RNF43: variants seen among roughly 807,000 people sequenced by gnomAD.
RNF43 encodes ring finger protein 43, also known as E3 ubiquitin-protein ligase RNF43.
Under a neutral mutation model 78.4 loss-of-function variants are expected in RNF43, and 37 were observed. The ratio of observed to expected loss-of-function variants is 0.47; its 90% CI spans 0.36 to 0.62. The LOEUF (loss-of-function observed/expected upper bound fraction) is 0.62. Among genes scored for constraint, RNF43 ranks in the 20% least tolerant of loss-of-function variants. The pLI, the probability that RNF43 is intolerant of heterozygous loss-of-function variation, is 0.00. For synonymous variants in RNF43, 347 were observed against 395.0 expected (o/e 0.88, Z 1.44); for missense variants, 774 against 1,007.9 (o/e 0.77, Z 3.14).
intron 2 of RNF43, among the ~76,000 whole-genome samples, chr17:58,408,060 A>G (rs1267018184): frequency 1.3e-5 from 2 of 152,330 alleles, no homozygotes; most frequent in Middle Eastern, 6.8e-3. Context: ...AGGTCAGGCC[A>G]CTTTCTTATA....
intron 2 of RNF43, among the ~76,000 whole-genome samples, chr17:58,393,630 G>T (rs370072072): frequency 3.3e-5 from 5 of 152,134 alleles, no homozygotes; most frequent in African/African-American, 1.2e-4. Context: ...TTGTTCAATA[G>T]TCAACTGTAC....
In RNF43 at chr17:58,363,229, A is replaced by C. The variant is rs779625197; in HGVS notation, c.582+46T>G. On this transcript the variant is annotated intron_variant, in intron 5 of 9. Coordinates refer to ENST00000407977, the MANE Select transcript of RNF43 (RefSeq NM_017763.6). ...TTTGGTGGGAGTTGCCACAGGACAA[A>C]GTAGGGCTAAGTGCAGGGCAAGGTC... 1.6e-5 allele frequency: 25 copies of C among 1,605,250 alleles called. No homozygotes were observed. The highest frequency in any genetic ancestry group is 8.5e-7 in the Non-Finnish European group (1 of 1,178,814).
chr17:58,381,569 G>A (rs887398595), intron 2 of RNF43, among the ~76,000 whole-genome samples: 3 of 152,184 alleles, frequency 2.0e-5, no homozygotes, highest in Non-Finnish European at 4.4e-5. Flanking sequence ...GGAGAGCCTG[G>A]GAGGGATTGC....
intron 2 of RNF43, among the ~76,000 whole-genome samples, chr17:58,410,960 G>A (rs1234038457): frequency 2.0e-5 from 3 of 151,882 alleles, no homozygotes; most frequent in Non-Finnish European, 4.4e-5. Context: ...CAGAATTTTA[G>A]AGCTGGAAAA....
intron 2 of RNF43, among the ~76,000 whole-genome samples, chr17:58,395,509 G>A (rs1973661543): frequency 6.6e-6 from 1 of 152,048 alleles, no homozygotes; most frequent in Non-Finnish European, 1.5e-5. Flanking sequence ...AGTTCCCTGT[G>A]ACTAATAAGT....
chr17:58,359,143 A>G (rs1382963040), intron 8 of RNF43, among the ~76,000 whole-genome samples: 1 of 152,202 alleles, frequency 6.6e-6, no homozygotes, highest in African/African-American at 2.4e-5. Flanking sequence ...TTTCCTCAAG[A>G]TATTTATTTC....
intron 2 of RNF43, among the ~76,000 whole-genome samples, chr17:58,411,032 T>C (rs530689130): frequency 6.6e-6 from 1 of 152,290 alleles, no homozygotes; most frequent in South Asian, 2.1e-4. Flanking sequence ...AGTTAATACT[T>C]TGACAGATAT....
At chr17:58,410,438 T>A (rs1327482742) in intron 2 of RNF43, among the ~76,000 whole-genome samples, 2 of 152,192 alleles carry the variant, frequency 1.3e-5, no homozygotes, top group Non-Finnish European at 2.9e-5. Flanking sequence ...CATTCCAAAG[T>A]CAGTAATTAA....
At position 58,387,267 on chromosome 17, in the gene RNF43, T is replaced by C. The variant is rs187072398; in HGVS notation, c.253-16234A>G. Among the ~76,000 whole-genome samples the C allele has an allele frequency of 2.0e-4, 31 of 152,192 alleles. 1 individual carries two copies. Among genetic ancestry groups the C allele is most frequent in the Admixed American group, 2.0e-3 (30 of 15,288 alleles). On this transcript the variant is annotated intron_variant, in intron 2 of 9. Transcript: ENST00000407977. The stretch of plus-strand genomic sequence containing the variant: ...GACCCTGTTCCTGCTTGAGGAGATA[T>C]CATAATTGGGCAGCTTGTGTGAGCC...
intron 2 of RNF43, among the ~76,000 whole-genome samples, chr17:58,412,023 A>G (rs1455408183): frequency 6.6e-6 from 1 of 152,204 alleles, no homozygotes; most frequent in Non-Finnish European, 1.5e-5. Flanking sequence ...AGTCACCGCC[A>G]GGTAATTAGG....
Position 58,354,340 on chromosome 17 carries a change from T to G in RNF43, c.*603A>C. 1 of 203,540 alleles carries G rather than the reference T, an allele frequency of 4.9e-6. No individual in the cohort carries two copies. The highest frequency in any genetic ancestry group is 1.0e-5 in the Non-Finnish European group (1 of 98,846). 12.6% of individuals were successfully genotyped at this position (203,540 alleles called of 1,614,324 possible). A position where few individuals can be genotyped will look rare whatever the true frequency, so the allele number is the denominator to read the frequency against. On this transcript the variant is annotated 3_prime_UTR_variant, in exon 10 of 10. Transcript: ENST00000407977. ...ACCTCAGGGACAGAACTCCACACTA[T>G]AGTGGGAAAGCTTCAGGGACCCCTC... is the stretch of plus-strand genomic sequence containing the variant.
intron 2 of RNF43, among the ~76,000 whole-genome samples, chr17:58,382,393 T>G (rs574383433): frequency 6.6e-6 from 1 of 152,192 alleles, no homozygotes; most frequent in Non-Finnish European, 1.5e-5. Flanking sequence ...GCTCTGTCAT[T>G]TTATCAGGAT....
In RNF43 at chr17:58,358,254, G is replaced by T. The variant is rs147789866; in HGVS notation, c.1522C>A (p.Leu508Ile). The change falls in exon 9 of 10, where the codon CTA (leucine) becomes ATA (isoleucine). Residue 508 changes from leucine (L) to isoleucine (I), a missense_variant. By Grantham distance (5) the Leu-to-Ile change is conservative. Transcript: ENST00000407977. The surrounding 1 kb of genome is among the most constrained non-coding windows in gnomAD (Gnocchi z 6.2). The stretch of plus-strand genomic sequence containing the variant: ...TCCCCTTTAGGGCTGCAGTACACTA[G>T]GGGGTCAAAGTCACTGCTTAGGGAG... The part of the protein sequence containing the change: ...CSSLSSDFDP[L>I]VYCSPKGDPQ... The T allele has an allele frequency of 3.7e-6, 6 of 1,613,842 alleles. No individual in the cohort carries two copies. The African/African-American group carries it at 5.3e-5, about 14-fold the overall frequency.
chr17:58,386,231 G>A (rs960518159), intron 2 of RNF43, among the ~76,000 whole-genome samples: 1 of 152,108 alleles, frequency 6.6e-6, no homozygotes, highest in African/African-American at 2.4e-5. Context: ...TTCGAGACCA[G>A]CCTGGCCAAT....
chr17:58,390,300 T>C (rs1383612977), intron 2 of RNF43, among the ~76,000 whole-genome samples: 1 of 152,342 alleles, frequency 6.6e-6, no homozygotes, highest in Middle Eastern at 3.4e-3. Context: ...TCAAGTTATA[T>C]AAGGTAGATC....
downstream of RNF43, chr17:58,352,860 A>G: frequency 4.6e-6 from 1 of 218,786 alleles, no homozygotes. Context: ...CATTTGTAGG[A>G]GATTAGGTGT....
At chr17:58,367,406 A>G (rs945339395) in intron 3 of RNF43, among the ~76,000 whole-genome samples, 1 of 152,208 alleles carries the variant, frequency 6.6e-6, no homozygotes, top group African/African-American at 2.4e-5. Context: ...TGAGGTGGGA[A>G]ACTGAGGCTC....
rs1782794075 is a variant in RNF43 at position 58,353,732 on chromosome 17, A to G, written c.*1211T>C. On this transcript the variant is annotated 3_prime_UTR_variant, in exon 10 of 10. Coordinates refer to ENST00000407977, the MANE Select transcript of RNF43 (RefSeq NM_017763.6). ...ATTTCTTAACATAGTGCCTGATTCA[A>G]GCGTCTGTCTGGTTCAGATATAAAT... The G allele has an allele frequency of 4.7e-6, 1 of 211,136 alleles. No individual in the cohort carries two copies. The allele number at this position is 211,136 out of a possible 1,614,324, so 13.1% of individuals were successfully genotyped here.
intron 2 of RNF43, among the ~76,000 whole-genome samples, chr17:58,408,615 T>C (rs1330446987): frequency 2.6e-5 from 4 of 152,190 alleles, no homozygotes; most frequent in Non-Finnish European, 4.4e-5. Context: ...ATTACAGCCA[T>C]ATTTATGATT....
Sources: gnomAD v4.1 joint callset for allele counts (sites outside exome capture counted in the v4.1 genomes callset) on GRCh38, gnomAD v4.1.1 for gene constraint, Gnocchi (gnomAD v3.1) non-coding constraint, MANE v1.5 for transcripts, NCBI Gene and HGNC (gene_info 2026-07-23, HGNC 2026-07-21) for gene names.